Variants in ZMAT4 observed in about 807,000 individuals in gnomAD.
ZMAT4 encodes the protein zinc finger matrin-type 4.
ZMAT4 carries 17 observed loss-of-function variants against 28.7 expected under a neutral mutation model. The ratio of observed to expected loss-of-function variants is 0.59; its 90% CI spans 0.41 to 0.89. The LOEUF (loss-of-function observed/expected upper bound fraction) is 0.89, where lower values mean the gene tolerates loss of function less well. Among genes scored for constraint, ZMAT4 ranks in the 40% least tolerant of loss-of-function variants. The pLI is 0.00. For missense variants in ZMAT4, 240 were observed against 283.8 expected (o/e 0.85, Z 1.11); for synonymous variants, 117 against 109.2 (o/e 1.07, Z -0.44).
intron 3 of ZMAT4, among the ~76,000 whole-genome samples, chr8:40,756,442 A>ATATAAAAG (rs1812689751): frequency 8.0e-6 from 1 of 124,996 alleles, no homozygotes; most frequent in Admixed American, 8.3e-5. Flanking sequence ...ATATATATAT[A>ATATAAAAG]TATATATATA....
chr8:40,853,068 A>G (rs1817169425), intron 1 of ZMAT4, among the ~76,000 whole-genome samples: 1 of 151,874 alleles, frequency 6.6e-6, no homozygotes, highest in African/African-American at 2.4e-5. Flanking sequence ...TCTACCAGTC[A>G]TTTTTTTTCA....
chr8:40,756,435 T>TAC, intron 3 of ZMAT4, among the ~76,000 whole-genome samples: 1 of 115,798 alleles, frequency 8.6e-6, no homozygotes, highest in African/African-American at 3.3e-5. Context: ...TTTATATATA[T>TAC]ATATATATAT....
chr8:40,538,771 C>G (rs892357300), intron 6 of ZMAT4, among the ~76,000 whole-genome samples: 5 of 151,920 alleles, frequency 3.3e-5, no homozygotes, highest in Non-Finnish European at 7.4e-5. Context: ...TCCTTTATTG[C>G]ATTTTTCTTT....
chr8:40,605,341 C>T (rs1269080255), intron 5 of ZMAT4, among the ~76,000 whole-genome samples: 1 of 152,132 alleles, frequency 6.6e-6, no homozygotes, highest in Non-Finnish European at 1.5e-5. Flanking sequence ...CCTCTTAGCA[C>T]CACTTTTGCT....
At chr8:40,809,795 G>A (rs1298863261) in intron 2 of ZMAT4, among the ~76,000 whole-genome samples, 1 of 152,240 alleles carries the variant, frequency 6.6e-6, no homozygotes, top group Non-Finnish European at 1.5e-5. Context: ...TGTAATCCTA[G>A]CACCTTGAGA....
At chr8:40,855,552 A>G (rs1817265888) in intron 1 of ZMAT4, among the ~76,000 whole-genome samples, 1 of 152,060 alleles carries the variant, frequency 6.6e-6, no homozygotes, top group Non-Finnish European at 1.5e-5. Flanking sequence ...AAACTGGGGC[A>G]TTTTCCCAAG....
chr8:40,806,938 G>A (rs543119473), intron 2 of ZMAT4, among the ~76,000 whole-genome samples: 93 of 151,894 alleles, frequency 6.1e-4, no homozygotes, highest in African/African-American at 2.1e-3. Flanking sequence ...AGAAGAAAAC[G>A]CTCAGAAATA....
At chr8:40,575,947 A>G (rs7841985) in intron 6 of ZMAT4, among the ~76,000 whole-genome samples, 15,568 of 152,120 alleles carry the variant, frequency 0.1, 1,397 homozygotes, top group East Asian at 0.53. Context: ...TGAGAAATTC[A>G]ACAAAAAGTT....
intron 6 of ZMAT4, among the ~76,000 whole-genome samples, chr8:40,546,302 A>G (rs1224141835): frequency 1.4e-5 from 2 of 146,710 alleles, no homozygotes; most frequent in Non-Finnish European, 3.0e-5. Flanking sequence ...CACTTGAACA[A>G]AAAAAAAAAA....
chr8:40,534,791 T>TC (rs1347192149), intron 6 of ZMAT4, among the ~76,000 whole-genome samples: 1 of 148,468 alleles, frequency 6.7e-6, no homozygotes, highest in Non-Finnish European at 1.5e-5. Context: ...CAAGCAATTC[T>TC]CCTGCTTCAG....
At chr8:40,857,844 G>T (rs1377419371) in intron 1 of ZMAT4, among the ~76,000 whole-genome samples, 1 of 152,084 alleles carries the variant, frequency 6.6e-6, no homozygotes, top group East Asian at 1.9e-4. Context: ...AGCAACACAA[G>T]GAATGAACTA....
intron 1 of ZMAT4, among the ~76,000 whole-genome samples, chr8:40,830,948 C>G (rs1816259067): frequency 6.6e-6 from 1 of 152,196 alleles, no homozygotes; most frequent in South Asian, 2.1e-4. Flanking sequence ...GATAAACCAT[C>G]TAGCACAGAC....
intron 1 of ZMAT4, among the ~76,000 whole-genome samples, chr8:40,856,838 T>C (rs148853615): frequency 2.6e-5 from 4 of 152,204 alleles, no homozygotes; most frequent in African/African-American, 9.6e-5. Flanking sequence ...GTTTCCAGCA[T>C]AGACTCCAAA....
chr8:40,876,529 T>C (rs532736596), intron 1 of ZMAT4, among the ~76,000 whole-genome samples: 75 of 152,138 alleles, frequency 4.9e-4, no homozygotes, highest in African/African-American at 1.6e-3. Context: ...TTGCTCAGAC[T>C]GGTCTCGAGC....
intron 5 of ZMAT4, among the ~76,000 whole-genome samples, chr8:40,628,992 C>T (rs1158915709): frequency 7.6e-6 from 1 of 132,334 alleles, no homozygotes; most frequent in East Asian, 2.2e-4. Context: ...AAATCCTGCC[C>T]TCGAGCTTTC....
chr8:40,558,580 G>A (rs1285174914), intron 6 of ZMAT4, among the ~76,000 whole-genome samples: 1 of 152,094 alleles, frequency 6.6e-6, no homozygotes, highest in Non-Finnish European at 1.5e-5. Context: ...GATAAAAATA[G>A]TGCTATTTAG....
At chr8:40,541,006 G>A (rs1213580903) in intron 6 of ZMAT4, among the ~76,000 whole-genome samples, 3 of 152,146 alleles carry the variant, frequency 2.0e-5, no homozygotes, top group Non-Finnish European at 2.9e-5. Flanking sequence ...CTGGCACGTA[G>A]CAGCTCTGTA....
chr8:40,549,745 G>GA (rs377448310), intron 6 of ZMAT4, among the ~76,000 whole-genome samples: 47 of 150,268 alleles, frequency 3.1e-4, no homozygotes, highest in African/African-American at 9.8e-4. Flanking sequence ...TTATTTGAAG[G>GA]AAAAAAAAAC....
intron 2 of ZMAT4, among the ~76,000 whole-genome samples, chr8:40,781,789 A>AAAAAAAAAC (rs1563480296): frequency 2.0e-5 from 3 of 147,936 alleles, no homozygotes; most frequent in African/African-American, 5.1e-5. Flanking sequence ...AAAAAAAAAA[A>AAAAAAAAAC]AAGAAAAGAA....
Sources: allele counts gnomAD v4.1 joint callset (sites outside exome capture counted in the v4.1 genomes callset), GRCh38; gene constraint gnomAD v4.1.1; transcripts MANE v1.5; gene names NCBI Gene and HGNC (gene_info 2026-07-23, HGNC 2026-07-21).